The following RASAL2 variants were observed in gnomAD, a reference collection of about 807,000 sequenced individuals.
RASAL2 encodes ras GTPase-activating protein nGAP.
RASAL2 carries 58 observed loss-of-function variants against 128.9 expected under a neutral mutation model. The ratio of observed to expected loss-of-function variants is 0.45; its 90% CI spans 0.36 to 0.56. RASAL2 has a LOEUF of 0.56. RASAL2 is among the 20% of genes least tolerant of loss of function. The pLI, the probability that RASAL2 is intolerant of heterozygous loss-of-function variation, is 0.00. For synonymous variants in RASAL2, 561 were observed against 580.8 expected (o/e 0.97, Z 0.49); for missense variants, 1,360 against 1,601.6 (o/e 0.85, Z 2.57).
At chr1:178,175,296 T>G (rs1291919645) in intron 1 of RASAL2, among the ~76,000 whole-genome samples, 1 of 151,988 alleles carries the variant, frequency 6.6e-6, no homozygotes, top group African/African-American at 2.4e-5. Flanking sequence ...GTAGAAAACA[T>G]TGTGATACCT....
In RASAL2 at chr1:178,094,397, G is replaced by A. The variant is rs577493594; in HGVS notation, c.-96G>A. 1.5e-4 allele frequency: 175 copies of A among 1,201,108 alleles called. 1 individual carries two copies. In the African/African-American group the frequency reaches 2.4e-3, roughly 17 times the overall value. 74.4% of individuals were successfully genotyped at this position (1,201,108 alleles called of 1,614,324 possible). On this transcript the variant is annotated 5_prime_UTR_variant, in exon 1 of 18. Coordinates refer to ENST00000367649, the MANE Select transcript of RASAL2 (RefSeq NM_170692.4). ...CCGCTCGGGTCCCTGCCCTCGCTGCGCGCTCTCCTCCTCCCCTTACCGCAG... is the reference window on the plus strand; with the variant it reads ...CCGCTCGGGTCCCTGCCCTCGCTGCACGCTCTCCTCCTCCCCTTACCGCAG...
chr1:178,237,469 AC>A (rs1469053849), intron 1 of RASAL2, among the ~76,000 whole-genome samples: 3 of 152,138 alleles, frequency 2.0e-5, no homozygotes, highest in East Asian at 3.9e-4. Context: ...GAATGTTGAG[AC>A]TAGCATCCCA....
chr1:178,204,841 A>G (rs1662986763), intron 1 of RASAL2, among the ~76,000 whole-genome samples: 1 of 152,254 alleles, frequency 6.6e-6, no homozygotes, highest in Non-Finnish European at 1.5e-5. Flanking sequence ...GCTTTCTTCC[A>G]GAAAATGAAA....
chr1:178,110,560 A>T (rs1254986946), intron 1 of RASAL2, among the ~76,000 whole-genome samples: 1 of 146,528 alleles, frequency 6.8e-6, no homozygotes, highest in Non-Finnish European at 1.5e-5. Flanking sequence ...GTGTATATAT[A>T]GTATATATAG....
At chr1:178,397,618 T>C (rs1423433467) in intron 4 of RASAL2, among the ~76,000 whole-genome samples, 1 of 148,252 alleles carries the variant, frequency 6.7e-6, no homozygotes, top group Admixed American at 6.8e-5. Flanking sequence ...TTTACTTACT[T>C]TTTTTTTTTT....
Position 178,220,048 on chromosome 1 carries a change from ACT to A in RASAL2, c.203-63504_203-63503del, listed in dbSNP as rs369195701. 4.0e-5 allele frequency among the ~76,000 whole-genome samples: 6 copies of A among 150,392 alleles called. No homozygotes were observed. The South Asian group carries it at 1.3e-3, about 32-fold the overall frequency. On this transcript the variant is annotated intron_variant, in intron 1 of 17. Coordinates refer to ENST00000367649, the MANE Select transcript of RASAL2 (RefSeq NM_170692.4). ...TGTGGTATGTCCTCTCCTCTCTTTA[ACT>A]CTCTCTCTCTCACCATGTGATATGC...
At chr1:178,431,090 G>T (rs771657249) in intron 5 of RASAL2, among the ~76,000 whole-genome samples, 1 of 151,880 alleles carries the variant, frequency 6.6e-6, no homozygotes, top group Non-Finnish European at 1.5e-5. Context: ...CAAATGGATT[G>T]AATGAAAACT....
At chr1:178,330,212 G>A (rs888077217) in intron 3 of RASAL2, among the ~76,000 whole-genome samples, 15 of 152,114 alleles carry the variant, frequency 9.9e-5, no homozygotes, top group Admixed American at 8.5e-4. Flanking sequence ...TGTTTGATTC[G>A]ATAAATTTGG....
chr1:178,294,579 A>C (rs1352797676), intron 2 of RASAL2, among the ~76,000 whole-genome samples: 1 of 152,200 alleles, frequency 6.6e-6, no homozygotes, highest in Non-Finnish European at 1.5e-5. Flanking sequence ...AACAACAAAA[A>C]ATAGGACACC....
intron 1 of RASAL2, among the ~76,000 whole-genome samples, chr1:178,180,376 G>A (rs1662047635): frequency 1.3e-5 from 2 of 150,786 alleles, no homozygotes; most frequent in African/African-American, 2.4e-5. Context: ...GGGCATGGTG[G>A]CTCATTCCTG....
In RASAL2 at chr1:178,206,439, A is replaced by G. The variant is rs145258273; in HGVS notation, c.203-77125A>G. Reference sequence around the variant, plus strand: ...TGACACTTGCTATGTTATCTCAATCAATGTTTATAACAACTCTATGAGAAA... The same window carrying G: ...TGACACTTGCTATGTTATCTCAATCGATGTTTATAACAACTCTATGAGAAA... On this transcript the variant is annotated intron_variant, in intron 1 of 17. Transcript: ENST00000367649. 2.0e-3 allele frequency among the ~76,000 whole-genome samples: 302 copies of G among 152,350 alleles called. 2 individuals carry two copies. Among genetic ancestry groups the G allele is most frequent in the South Asian group, 3.7e-3 (18 of 4,828 alleles).
intron 1 of RASAL2, among the ~76,000 whole-genome samples, chr1:178,152,915 CT>C (rs1414867916): frequency 2.0e-5 from 3 of 152,094 alleles, no homozygotes. Flanking sequence ...AAAAGATAAT[CT>C]ATATATCATT....
At chr1:178,229,232 TA>T (rs1005993943) in intron 1 of RASAL2, among the ~76,000 whole-genome samples, 4 of 152,338 alleles carry the variant, frequency 2.6e-5, no homozygotes, top group Middle Eastern at 3.4e-3. Flanking sequence ...GTAAAATTAT[TA>T]AAATGAAAAT....
chr1:178,204,236 G>A (rs926686801), intron 1 of RASAL2, among the ~76,000 whole-genome samples: 15 of 152,170 alleles, frequency 9.9e-5, no homozygotes, highest in African/African-American at 2.9e-4. Flanking sequence ...CTGGTTGTAC[G>A]AAGGATAGTT....
chr1:178,477,296 T>C lies in RASAL2; in HGVS notation c.*4057T>C, dbSNP rs1490642995. On this transcript the variant is annotated 3_prime_UTR_variant, in exon 18 of 18. Coordinates refer to ENST00000367649, the MANE Select transcript of RASAL2 (RefSeq NM_170692.4). ...AATTTGAGATACTTTGTTTTTTCAA[T>C]GCGTCAGTTGAAGGATTTAGTTTCT... The C allele has an allele frequency of 3.3e-5, 5 of 152,222 alleles. No homozygotes were observed. Among genetic ancestry groups the C allele is most frequent in the Admixed American group, 6.5e-5 (1 of 15,276 alleles). The allele number at this position is 152,222 out of a possible 1,614,324, so 9.4% of individuals were successfully genotyped here.
In RASAL2 at chr1:178,473,483, A is replaced by G. The variant is rs74129207; in HGVS notation, c.*244A>G. On this transcript the variant is annotated 3_prime_UTR_variant, in exon 18 of 18. Coordinates refer to ENST00000367649, the MANE Select transcript of RASAL2 (RefSeq NM_170692.4). ...TAGTTCTGGGCCATGTACAGAAAAT[A>G]TCACTGTAATATACCAAAAGGAAGT... The G allele has an allele frequency of 2.2e-3, 1,181 of 541,368 alleles. 12 individuals are homozygous for G. Among genetic ancestry groups the G allele is most frequent in the African/African-American group, 0.02 (1,044 of 52,784 alleles). 33.5% of individuals were successfully genotyped at this position (541,368 alleles called of 1,614,324 possible).
chr1:178,309,771 C>T (rs1048182532), intron 3 of RASAL2, among the ~76,000 whole-genome samples: 1 of 152,116 alleles, frequency 6.6e-6, no homozygotes, highest in Non-Finnish European at 1.5e-5. Flanking sequence ...GTTTCAAATA[C>T]TATAATGAAT....
In RASAL2 at chr1:178,346,371, C is replaced by T. The variant is rs535630553; in HGVS notation, c.458-43729C>T. Among the ~76,000 whole-genome samples the T allele has an allele frequency of 3.3e-5, 5 of 151,600 alleles. No individual in the cohort carries two copies. In the East Asian group the frequency reaches 5.8e-4, roughly 18 times the overall value. ...AGCTATGGTCACATCACTGTACTCC[C>T]GCCTGGGTGACAGAGCAAAACCTTG... is the stretch of plus-strand genomic sequence containing the variant. On this transcript the variant is annotated intron_variant, in intron 3 of 17. Transcript: ENST00000367649.
chr1:178,094,755 A>G, intron 1 of RASAL2, 61 bp downstream of exon 1: 2 of 1,589,560 alleles, frequency 1.3e-6, no homozygotes, highest in Non-Finnish European at 1.7e-6. Context: ...GCTGAAATTC[A>G]TTCCCTAAGT....
Sources: allele counts gnomAD v4.1 joint callset (sites outside exome capture counted in the v4.1 genomes callset), GRCh38; gene constraint gnomAD v4.1.1; transcripts MANE v1.5; gene names NCBI Gene and HGNC (gene_info 2026-07-23, HGNC 2026-07-21).